The following ST6GALNAC3 variants were observed in gnomAD, a reference collection of about 807,000 sequenced individuals.
ST6GALNAC3 encodes the protein ST6 N-acetylgalactosaminide alpha-2,6-sialyltransferase 3, also known as alpha-N-acetylgalactosaminide alpha-2,6-sialyltransferase 3.
Under a neutral mutation model 32.7 loss-of-function variants are expected in ST6GALNAC3, and 25 were observed. The ratio of observed to expected loss-of-function variants is 0.76; its 90% CI spans 0.56 to 1.07. ST6GALNAC3 has a LOEUF of 1.07. Ranked by LOEUF, ST6GALNAC3 falls within the 50% of genes least tolerant of loss-of-function variation. ST6GALNAC3 has a pLI of 0.00. For synonymous variants in ST6GALNAC3, 129 were observed against 133.1 expected, an observed-to-expected ratio of 0.97 and a Z score of 0.21; for missense variants, 355 against 382.4, an observed-to-expected ratio of 0.93 and a Z score of 0.60.
intron 1 of ST6GALNAC3, among the ~76,000 whole-genome samples, chr1:76,208,253 G>A (rs868110819): frequency 2.0e-5 from 3 of 152,254 alleles, no homozygotes; most frequent in African/African-American, 7.2e-5. Flanking sequence ...TTGGGATGAT[G>A]CTATAACTTG....
chr1:76,181,335 A>T (rs1391466516), intron 1 of ST6GALNAC3, among the ~76,000 whole-genome samples: 3 of 152,224 alleles, frequency 2.0e-5, no homozygotes, highest in African/African-American at 7.2e-5. Flanking sequence ...TTCTAGAAAG[A>T]AAGTCTTGAT....
chr1:76,161,603 A>G (rs1040113177), intron 1 of ST6GALNAC3, among the ~76,000 whole-genome samples: 19 of 152,176 alleles, frequency 1.2e-4, no homozygotes, highest in African/African-American at 4.3e-4. Flanking sequence ...CTAAATTTAT[A>G]TTGCAGATGG....
At chr1:76,270,498 ACT>A (rs1388684907) in intron 1 of ST6GALNAC3, among the ~76,000 whole-genome samples, 1 of 134,958 alleles carries the variant, frequency 7.4e-6, no homozygotes, top group Non-Finnish European at 1.6e-5. Context: ...CAAGAGTGAA[ACT>A]CTGTCTCAAA....
intron 2 of ST6GALNAC3, among the ~76,000 whole-genome samples, chr1:76,357,130 C>CTTTCTTTTTTTTTTTTTTTTTT (rs1165946045): frequency 1.8e-5 from 2 of 111,176 alleles, no homozygotes; most frequent in African/African-American, 6.8e-5. Context: ...TTTTCTTTTT[C>CTTTCTTTTTTTTTTTTTTTTTT]TTTTTTTTTT....
intron 2 of ST6GALNAC3, among the ~76,000 whole-genome samples, chr1:76,348,192 T>A (rs1648678043): frequency 6.6e-6 from 1 of 152,204 alleles, no homozygotes; most frequent in Non-Finnish European, 1.5e-5. Context: ...GTTTATTTTC[T>A]AACTTTCTAC....
chr1:76,444,672 G>GA (rs1656846692), intron 3 of ST6GALNAC3, among the ~76,000 whole-genome samples: 2 of 152,172 alleles, frequency 1.3e-5, no homozygotes, highest in Non-Finnish European at 2.9e-5. Context: ...ACTGAGGTAA[G>GA]CCCTTCTCCA....
At chr1:76,263,424 T>A (rs1330923231) in intron 1 of ST6GALNAC3, among the ~76,000 whole-genome samples, 1 of 152,182 alleles carries the variant, frequency 6.6e-6, no homozygotes, top group African/African-American at 2.4e-5. Context: ...AAAACCTCCA[T>A]ATCAAGAGCT....
intron 3 of ST6GALNAC3, among the ~76,000 whole-genome samples, chr1:76,418,770 T>C (rs970805410): frequency 6.6e-6 from 1 of 152,034 alleles, no homozygotes; most frequent in Non-Finnish European, 1.5e-5. Flanking sequence ...GGCAGATCCA[T>C]AGGACTCCTT....
chr1:76,511,296 C>A (rs1180483794), intron 3 of ST6GALNAC3, among the ~76,000 whole-genome samples: 1 of 152,234 alleles, frequency 6.6e-6, no homozygotes, highest in Non-Finnish European at 1.5e-5. Flanking sequence ...CAGTCCTCCT[C>A]TCTGACCTCA....
chr1:76,192,782 A>G (rs1653976944), intron 1 of ST6GALNAC3, among the ~76,000 whole-genome samples: 1 of 152,178 alleles, frequency 6.6e-6, no homozygotes, highest in Non-Finnish European at 1.5e-5. Flanking sequence ...ATCCACTTTC[A>G]TAGACTCCCA....
chr1:76,122,252 A>G (rs1648927897), intron 1 of ST6GALNAC3, among the ~76,000 whole-genome samples: 1 of 152,188 alleles, frequency 6.6e-6, no homozygotes, highest in African/African-American at 2.4e-5. Context: ...TGAAGTTTAA[A>G]TCTAGGTCTT....
At chr1:76,313,617 A>G in intron 1 of ST6GALNAC3, 188 bp from the exon 2 acceptor site, 1 of 721,868 alleles carries the variant, frequency 1.4e-6, no homozygotes, top group Non-Finnish European at 2.5e-6. Context: ...GCTTGCTCTC[A>G]GCAGCCCAGC....
chr1:76,419,944 C>CTTTTT (rs66531652), intron 3 of ST6GALNAC3, among the ~76,000 whole-genome samples: 99 of 138,724 alleles, frequency 7.1e-4, no homozygotes, highest in East Asian at 2.1e-3. Flanking sequence ...TTCTTTCTTT[C>CTTTTT]TTTTTTTTTT....
At chr1:76,324,931 C>A (rs1276994356) in intron 2 of ST6GALNAC3, among the ~76,000 whole-genome samples, 1 of 151,876 alleles carries the variant, frequency 6.6e-6, no homozygotes, top group Non-Finnish European at 1.5e-5. Flanking sequence ...TAATTTTTCA[C>A]ATATATATAT....
chr1:76,141,619 G>C (rs1319587973), intron 1 of ST6GALNAC3, among the ~76,000 whole-genome samples: 1 of 152,190 alleles, frequency 6.6e-6, no homozygotes, highest in Non-Finnish European at 1.5e-5. Flanking sequence ...AGCATGTACA[G>C]ATGGATTTTT....
chr1:76,579,627 T>C (rs919075581), intron 3 of ST6GALNAC3, among the ~76,000 whole-genome samples: 13 of 152,078 alleles, frequency 8.5e-5, no homozygotes, highest in African/African-American at 3.1e-4. Flanking sequence ...TTTCTTTTTT[T>C]CTTCTTGCAG....
chr1:76,556,097 C>T (rs762506055), intron 3 of ST6GALNAC3, among the ~76,000 whole-genome samples: 3 of 152,034 alleles, frequency 2.0e-5, no homozygotes, highest in Admixed American at 6.6e-5. Context: ...TTGCCTATTC[C>T]GGATACTCCA....
At chr1:76,540,630 G>A (rs1486588182) in intron 3 of ST6GALNAC3, among the ~76,000 whole-genome samples, 1 of 152,058 alleles carries the variant, frequency 6.6e-6, no homozygotes, top group Non-Finnish European at 1.5e-5. Flanking sequence ...ATAGTTCTTA[G>A]CTGAAGCTGC....
intron 3 of ST6GALNAC3, among the ~76,000 whole-genome samples, chr1:76,414,919 G>T (rs1356681342): frequency 6.6e-6 from 1 of 151,958 alleles, no homozygotes; most frequent in Non-Finnish European, 1.5e-5. Context: ...TTCATAGTTT[G>T]TTTTAATTAG....
Sources: gnomAD v4.1 joint callset for allele counts (sites outside exome capture counted in the v4.1 genomes callset) on GRCh38, gnomAD v4.1.1 for gene constraint, MANE v1.5 for transcripts, NCBI Gene and HGNC (gene_info 2026-07-23, HGNC 2026-07-21) for gene names.